TACR1: variants seen among roughly 807,000 people sequenced by gnomAD.
TACR1 encodes substance-P receptor.
In TACR1, 25 loss-of-function variants were observed where a neutral mutation model predicts 35.8. That is an observed-to-expected ratio of 0.70 (90% CI 0.51 to 0.98). The LOEUF is 0.98. Ranked by LOEUF, TACR1 falls within the 50% of genes least tolerant of loss-of-function variation. The probability of loss-of-function intolerance (pLI) is 0.00; values close to 1 mark genes in which losing one functional copy is unlikely to be tolerated. For synonymous variants in TACR1, 195 were observed against 206.7 expected (o/e 0.94, Z 0.48); for missense variants, 478 against 522.9 (o/e 0.91, Z 0.84).
intron 1 of TACR1, among the ~76,000 whole-genome samples, chr2:75,173,420 T>C (rs189445846): frequency 2.0e-4 from 30 of 152,362 alleles, no homozygotes; most frequent in South Asian, 8.3e-4. Context: ...GTAACTATAC[T>C]ATACCTCATC....
rs148431083 is a variant in TACR1, at chr2:75,128,651, C to T, written c.390-7883G>A. Among the ~76,000 whole-genome samples, 92 of 152,136 alleles carry T rather than the reference C, an allele frequency of 6.0e-4. 1 individual carries two copies. Among genetic ancestry groups the T allele is most frequent in the African/African-American group, 1.5e-3 (64 of 41,520 alleles). ...TGGGGTGAAGCAGGAAGACAGAGCG[C>T]GCATTTTTTTCTCCCTGAAAAGAGC... On this transcript the variant is annotated intron_variant, in intron 1 of 4. Transcript: ENST00000305249.
chr2:75,129,808 T>TGGGTGACCATA (rs1674143802), intron 1 of TACR1, among the ~76,000 whole-genome samples: 1 of 152,202 alleles, frequency 6.6e-6, no homozygotes, highest in Non-Finnish European at 1.5e-5. Context: ...GCATGTTTTC[T>TGGGTGACCATA]GGGTGACCAT....
chr2:75,123,051 G>A (rs1421267074), intron 1 of TACR1, among the ~76,000 whole-genome samples: 4 of 143,782 alleles, frequency 2.8e-5, no homozygotes, highest in African/African-American at 5.2e-5. Context: ...AACCATTATC[G>A]TTGCCGTCTT....
At chr2:75,129,220 G>A (rs1421695036) in intron 1 of TACR1, among the ~76,000 whole-genome samples, 1 of 152,180 alleles carries the variant, frequency 6.6e-6, no homozygotes, top group Non-Finnish European at 1.5e-5. Context: ...CAAATTTAGG[G>A]CATCTTTAAA....
chr2:75,051,599 C>T (rs1573455820), intron 3 of TACR1, 152 bp from the exon 4 acceptor site: 4 of 1,459,706 alleles, frequency 2.7e-6, no homozygotes, highest in South Asian at 2.8e-5. Context: ...AGGATCTTTA[C>T]TATATGGTGC....
intron 1 of TACR1, chr2:75,188,893 A>G (rs1277367244): frequency 2.0e-5 from 3 of 152,208 alleles, no homozygotes; most frequent in African/African-American, 7.2e-5. Context: ...AATATTTTTG[A>G]TGATTTATGT....
intron 1 of TACR1, among the ~76,000 whole-genome samples, chr2:75,192,930 A>C (rs767469907): frequency 7.7e-4 from 117 of 152,264 alleles, no homozygotes; most frequent in Non-Finnish European, 1.6e-3. Flanking sequence ...AGTATTCCCA[A>C]TCCAGTGTTC....
At chr2:75,153,195 C>A (rs886835714) in intron 1 of TACR1, among the ~76,000 whole-genome samples, 1 of 152,232 alleles carries the variant, frequency 6.6e-6, no homozygotes, top group African/African-American at 2.4e-5. Flanking sequence ...GCCACTGCAC[C>A]AGCCTAAGAC....
intron 1 of TACR1, among the ~76,000 whole-genome samples, chr2:75,147,839 G>A (rs991643170): frequency 4.6e-5 from 7 of 151,758 alleles, no homozygotes; most frequent in Admixed American, 3.9e-4. Flanking sequence ...TGCCTCCCCA[G>A]GTTCAAGCGA....
intron 1 of TACR1, among the ~76,000 whole-genome samples, chr2:75,126,793 C>T (rs1434295648): frequency 2.0e-5 from 3 of 152,090 alleles, no homozygotes; most frequent in Non-Finnish European, 2.9e-5. Flanking sequence ...AACTAATTTA[C>T]AAGAGAAAAA....
chr2:75,118,767 G>C (rs1036669533), intron 2 of TACR1: 1 of 152,212 alleles, frequency 6.6e-6, no homozygotes, highest in Non-Finnish European at 1.5e-5. Context: ...GCTACAGCCC[G>C]TGGAAACAAT....
intron 1 of TACR1, among the ~76,000 whole-genome samples, chr2:75,194,833 C>A (rs903670721): frequency 6.6e-6 from 1 of 152,188 alleles, no homozygotes; most frequent in African/African-American, 2.4e-5. Flanking sequence ...TGATACCAGG[C>A]CAGTGCTTGT....
intron 2 of TACR1, among the ~76,000 whole-genome samples, chr2:75,063,132 C>T (rs938689182): frequency 3.3e-5 from 5 of 152,192 alleles, no homozygotes; most frequent in Non-Finnish European, 7.3e-5. Context: ...ATGGGAAAGA[C>T]CTGCTCCCAT....
At chr2:75,084,591 G>A (rs577761568) in intron 2 of TACR1, among the ~76,000 whole-genome samples, 7 of 152,262 alleles carry the variant, frequency 4.6e-5, no homozygotes, top group African/African-American at 1.4e-4. Context: ...ATTAATTATT[G>A]CCTTAATTTC....
intron 1 of TACR1, among the ~76,000 whole-genome samples, chr2:75,177,248 C>T (rs573371875): frequency 2.0e-5 from 3 of 152,238 alleles, no homozygotes; most frequent in East Asian, 1.9e-4. Context: ...CATTCCCTCT[C>T]GTTCGTTGGA....
chr2:75,088,331 G>A (rs1673228827), intron 2 of TACR1, among the ~76,000 whole-genome samples: 2 of 146,548 alleles, frequency 1.4e-5, no homozygotes, highest in African/African-American at 5.5e-5. Flanking sequence ...CCCTCTCCAC[G>A]CAGCTAACTC....
chr2:75,145,957 T>C (rs1674501242), intron 1 of TACR1, among the ~76,000 whole-genome samples: 1 of 151,694 alleles, frequency 6.6e-6, no homozygotes, highest in East Asian at 1.9e-4. Context: ...AGCCATAAGA[T>C]CTCCCAGAAC....
At chr2:75,074,965 G>GAAAA (rs1261700131) in intron 2 of TACR1, among the ~76,000 whole-genome samples, 1 of 152,158 alleles carries the variant, frequency 6.6e-6, no homozygotes, top group Admixed American at 6.5e-5. Context: ...AGGATGGTTG[G>GAAAA]TCACTTTAGA....
chr2:75,131,056 T>C (rs969616793), intron 1 of TACR1, among the ~76,000 whole-genome samples: 5 of 152,140 alleles, frequency 3.3e-5, no homozygotes, highest in African/African-American at 9.7e-5. Flanking sequence ...AGTTTTCAAA[T>C]AGAAAATCAG....
Sources: allele counts gnomAD v4.1 joint callset (sites outside exome capture counted in the v4.1 genomes callset), GRCh38; gene constraint gnomAD v4.1.1; transcripts MANE v1.5; gene names NCBI Gene and HGNC (gene_info 2026-07-23, HGNC 2026-07-21).